ABCB9: variants seen among roughly 807,000 people sequenced by gnomAD.
ABCB9 encodes the protein ABC-type oligopeptide transporter ABCB9.
In ABCB9, 36 loss-of-function variants were observed where a neutral mutation model predicts 62.0. The observed-to-expected ratio is 0.58, with a 90% CI of 0.45 to 0.77. ABCB9 has a LOEUF of 0.77. ABCB9 is among the 30% of genes least tolerant of loss of function. The probability of loss-of-function intolerance (pLI) is 0.00; values close to 1 mark genes in which losing one functional copy is unlikely to be tolerated. For synonymous variants in ABCB9, 435 were observed against 461.4 expected (o/e 0.94, Z 0.73); for missense variants, 943 against 1,054.7 (o/e 0.89, Z 1.47).
At chr12:122,926,399 T>G (rs2034907132), downstream of ABCB9, among the ~76,000 whole-genome samples, 1 of 151,580 alleles carries the variant, frequency 6.6e-6, no homozygotes, top group Non-Finnish European at 1.5e-5. Flanking sequence ...ACAAAAAAAT[T>G]AGCTGGGTGT....
intron 1 of ABCB9, among the ~76,000 whole-genome samples, chr12:122,974,364 C>T (rs2037345882): frequency 6.6e-6 from 1 of 152,196 alleles, no homozygotes; most frequent in South Asian, 2.1e-4. Flanking sequence ...CATACTTCCA[C>T]CACTCCCAGA....
chr12:122,963,096 G>A (rs1019911312), intron 1 of ABCB9, among the ~76,000 whole-genome samples: 9 of 152,174 alleles, frequency 5.9e-5, no homozygotes, highest in African/African-American at 1.7e-4. Flanking sequence ...TCACGAGTTC[G>A]ATTCCAGCCT....
chr12:122,973,448 C>T (rs1347047370), intron 1 of ABCB9, among the ~76,000 whole-genome samples: 2 of 146,572 alleles, frequency 1.4e-5, no homozygotes, highest in East Asian at 2.0e-4. Flanking sequence ...CCTGTAGTCC[C>T]AGCTACTCGG....
rs186429145 is a variant in ABCB9, at chr12:122,947,056, C to T, written c.1054-834G>A. Among the ~76,000 whole-genome samples, 1 of 152,320 alleles carries T rather than the reference C, an allele frequency of 6.6e-6. No homozygotes were observed. The highest frequency in any genetic ancestry group is 1.9e-4 in the East Asian group (1 of 5,188). The stretch of plus-strand genomic sequence containing the variant: ...GTGTGTGTGGTTTGTGGAGATGACT[C>T]GCTGGCTACACACAACACATTCAGG... On this transcript the variant is annotated intron_variant, in intron 5 of 11. Coordinates refer to ENST00000280560, the MANE Select transcript of ABCB9 (RefSeq NM_019625.4). This position sits in a 1 kb window ranked among gnomAD's most constrained non-coding sequence, Gnocchi z 6.0.
intron 9 of ABCB9, among the ~76,000 whole-genome samples, chr12:122,938,851 A>G (rs189159756): frequency 1.7e-4 from 26 of 151,648 alleles, no homozygotes; most frequent in African/African-American, 2.4e-5. Flanking sequence ...AAATAAAAAT[A>G]AACAAATAAA....
rs1305396520 is a variant in ABCB9, at chr12:122,948,626, T to C, written c.1051A>G (p.Lys351Glu). 5.6e-6 allele frequency: 9 copies of C among 1,610,930 alleles called. No homozygotes were observed. Among genetic ancestry groups the C allele is most frequent in the Middle Eastern group, 1.7e-4 (1 of 6,028 alleles). ...CAGCAGAGACAGGGCAGGCCTACCT[T>C]GTAGTACTTGCCGTAGATGTTGGAC... ...MVSNIYGKYY[K>E]RLSKEVQNAL... Residue 351 changes from lysine (K) to glutamate (E), a missense_variant and splice_region_variant, in exon 5 of 12, where the codon AAG becomes GAG. Physicochemically the swap from Lys to Glu is moderately conservative, Grantham distance 56 (BLOSUM62 1). Coordinates refer to ENST00000280560, the MANE Select transcript of ABCB9 (RefSeq NM_019625.4).
At chr12:122,953,254 C>G (rs904537259) in intron 2 of ABCB9, among the ~76,000 whole-genome samples, 4 of 151,768 alleles carry the variant, frequency 2.6e-5, no homozygotes, top group African/African-American at 9.7e-5. Context: ...AGTCTGTTAC[C>G]CAGGCTGGAG....
intron 2 of ABCB9, among the ~76,000 whole-genome samples, chr12:122,958,769 G>A (rs1419269494): frequency 6.6e-6 from 1 of 152,124 alleles, no homozygotes; most frequent in Admixed American, 6.5e-5. Flanking sequence ...TTGAGCCTGG[G>A]AGGTTGAAGC....
chr12:122,973,946 G>A (rs2037334011), intron 1 of ABCB9, among the ~76,000 whole-genome samples: 1 of 152,378 alleles, frequency 6.6e-6, no homozygotes, highest in Middle Eastern at 3.4e-3. Context: ...TCGGGAGGCT[G>A]AGGCAGGAAA....
chr12:122,919,113 A>G (rs1044113739), downstream of ABCB9, among the ~76,000 whole-genome samples: 1 of 152,186 alleles, frequency 6.6e-6, no homozygotes, highest in African/African-American at 2.4e-5. Flanking sequence ...CAGTATGTGC[A>G]TACCACGGTT....
At chr12:122,937,650 T>G (rs2035529018) in intron 9 of ABCB9, among the ~76,000 whole-genome samples, 1 of 152,216 alleles carries the variant, frequency 6.6e-6, no homozygotes, top group Admixed American at 6.5e-5. Flanking sequence ...GGCCTCCCAC[T>G]TGGCACCATT....
rs1368778230 is a variant in ABCB9 at position 122,950,567 on chromosome 12, T to C, written c.602-2A>G. ...TGTAGTAGGGCAGGAAGGTCTCTCC[T>C]GGGGGAGGCAGGGCAGCCTCAGGGA... is the stretch of plus-strand genomic sequence containing the variant. On this transcript the variant is annotated splice_acceptor_variant, in intron 2 of 11. Transcript: ENST00000280560. LOFTEE classifies it high-confidence loss of function. The C allele has an allele frequency of 6.2e-7, 1 of 1,610,608 alleles. No individual in the cohort carries two copies. The highest frequency in any genetic ancestry group is 2.2e-5 in the East Asian group (1 of 44,860).
Position 122,940,091 on chromosome 12 carries a change from G to T in ABCB9, c.1743+20C>A. On this transcript the variant is annotated intron_variant, in intron 9 of 11. Transcript: ENST00000280560. This position sits in a 1 kb window ranked among gnomAD's most constrained non-coding sequence, Gnocchi z 4.8. The stretch of plus-strand genomic sequence containing the variant: ...GATGCAGAAAGGGCGGAGAAGTGTG[G>T]CCCAGGCCCGTGCACATACCACACG... 6.2e-7 allele frequency: 1 copy of T among 1,601,196 alleles called. No individual in the cohort carries two copies. The highest frequency in any genetic ancestry group is 1.1e-5 in the South Asian group (1 of 89,186).
At chr12:122,937,735 C>T (rs780707014) in intron 9 of ABCB9, among the ~76,000 whole-genome samples, 9 of 152,196 alleles carry the variant, frequency 5.9e-5, no homozygotes, top group Non-Finnish European at 1.2e-4. Context: ...ACCACCATCT[C>T]GAACTTGGCT....
intron 1 of ABCB9, among the ~76,000 whole-genome samples, chr12:122,961,831 T>C (rs1329933430): frequency 6.6e-6 from 1 of 152,262 alleles, no homozygotes; most frequent in Non-Finnish European, 1.5e-5. Flanking sequence ...TGAGGTTCAA[T>C]GTGTCAGTTC....
intron 9 of ABCB9, 83 bp from the exon 10 acceptor site, chr12:122,935,514 G>T (rs1373183884): frequency 2.0e-6 from 3 of 1,504,094 alleles, no homozygotes; most frequent in African/African-American, 1.4e-5. Context: ...CCTGGGGCCT[G>T]GAGACACCAG....
rs1211382252 is a variant in ABCB9 at position 122,964,473 on chromosome 12, T to C, written c.-88+1814A>G. On this transcript the variant is annotated intron_variant, in intron 1 of 11. Transcript: ENST00000280560. This position sits in a 1 kb window ranked among gnomAD's most constrained non-coding sequence, Gnocchi z 4.7. ...GCTGGGGCAGAGCAGTGCTAGCACC[T>C]GGGTCCCTGCCCCCAAGCACTAGTC... is the stretch of plus-strand genomic sequence containing the variant. Among the ~76,000 whole-genome samples, 1 of 152,248 alleles carries C rather than the reference T, an allele frequency of 6.6e-6. No individual in the cohort carries two copies. The highest frequency in any genetic ancestry group is 1.5e-5 in the Non-Finnish European group (1 of 68,044).
rs528908109 is a variant in ABCB9, at chr12:122,964,203, C to G, written c.-88+2084G>C. ...ATCCGCAAGAGACTCAAAACCTGGA[C>G]AGCAGCCCAGGGGCTTGGCTGACTC... On this transcript the variant is annotated intron_variant, in intron 1 of 11. Coordinates refer to ENST00000280560, the MANE Select transcript of ABCB9 (RefSeq NM_019625.4). This position sits in a 1 kb window ranked among gnomAD's most constrained non-coding sequence, Gnocchi z 4.7. 4.6e-5 allele frequency among the ~76,000 whole-genome samples: 7 copies of G among 152,310 alleles called. 1 individual carries two copies. In the South Asian group the frequency reaches 1.4e-3, roughly 32 times the overall value.
In ABCB9 at chr12:122,932,459, G is replaced by A. The variant is rs1346112340; in HGVS notation, c.1904-131C>T. 3 of 1,239,124 alleles carry A rather than the reference G, an allele frequency of 2.4e-6. No homozygotes were observed. In the East Asian group the frequency reaches 7.7e-5, roughly 32 times the overall value. 76.8% of individuals were successfully genotyped at this position (1,239,124 alleles called of 1,614,324 possible). On this transcript the variant is annotated intron_variant, in intron 10 of 11. Coordinates refer to ENST00000280560, the MANE Select transcript of ABCB9 (RefSeq NM_019625.4). The surrounding 1 kb of genome is among the most constrained non-coding windows in gnomAD (Gnocchi z 4.7). ...CCCACAACTTGAAAGCTCATGAAATGATGTTCCCCCCACCCAACTCATAAG... is the reference window on the plus strand; with the variant it reads ...CCCACAACTTGAAAGCTCATGAAATAATGTTCCCCCCACCCAACTCATAAG...
Sources: allele counts gnomAD v4.1 joint callset (sites outside exome capture counted in the v4.1 genomes callset), GRCh38; gene constraint gnomAD v4.1.1; non-coding constraint Gnocchi (gnomAD v3.1); transcripts MANE v1.5; gene names NCBI Gene and HGNC (gene_info 2026-07-23, HGNC 2026-07-21).